PPP1R12A: variants seen among roughly 807,000 people sequenced by gnomAD.
PPP1R12A encodes the protein protein phosphatase 1 regulatory subunit 12A.
PPP1R12A carries 19 observed loss-of-function variants against 139.6 expected under a neutral mutation model. The ratio of observed to expected loss-of-function variants is 0.14; its 90% CI spans 0.09 to 0.20. The LOEUF is 0.20. PPP1R12A is among the 10% of genes least tolerant of loss of function. The pLI is 1.00. For missense variants in PPP1R12A, 925 were observed against 1,211.5 expected, an observed-to-expected ratio of 0.76 and a Z score of 3.51; for synonymous variants, 427 against 420.6, an observed-to-expected ratio of 1.02 and a Z score of -0.19.
intron 11 of PPP1R12A, 70 bp from the exon 12 acceptor site, chr12:79,807,400 T>A (rs1023905543): frequency 2.2e-6 from 2 of 903,520 alleles, no homozygotes; most frequent in African/African-American, 3.4e-5. Flanking sequence ...GGTACACTAG[T>A]AAATATTAGT....
chr12:79,836,112 C>T (rs1163575456), intron 3 of PPP1R12A, among the ~76,000 whole-genome samples: 2 of 152,098 alleles, frequency 1.3e-5, no homozygotes, highest in Admixed American at 1.3e-4. Context: ...CCAAATAGAC[C>T]TTATGAAAAC....
chr12:79,791,035 A>G (rs1871782928), intron 19 of PPP1R12A, among the ~76,000 whole-genome samples: 1 of 152,166 alleles, frequency 6.6e-6, no homozygotes, highest in African/African-American at 2.4e-5. Context: ...CCTCTGCAAA[A>G]CCAATTTTAA....
At chr12:79,783,222 C>G (rs1453484697) in intron 22 of PPP1R12A, among the ~76,000 whole-genome samples, 2 of 148,206 alleles carry the variant, frequency 1.3e-5, no homozygotes, top group Non-Finnish European at 3.0e-5. Flanking sequence ...CTTTGTGAGG[C>G]TGAGATGGGC....
intron 2 of PPP1R12A, among the ~76,000 whole-genome samples, chr12:79,868,534 C>T (rs1244262244): frequency 6.7e-6 from 1 of 150,016 alleles, no homozygotes; most frequent in East Asian, 1.9e-4. Flanking sequence ...GTGTTAGCAG[C>T]TTTGGTTTCT....
intron 22 of PPP1R12A, among the ~76,000 whole-genome samples, chr12:79,784,733 G>GT (rs1870896781): frequency 6.6e-6 from 1 of 152,072 alleles, no homozygotes. Context: ...CACCTCCCGG[G>GT]TTCAAGCAAT....
chr12:79,898,572 C>T (rs1885343242), intron 1 of PPP1R12A, among the ~76,000 whole-genome samples: 1 of 152,058 alleles, frequency 6.6e-6, no homozygotes, highest in Admixed American at 6.6e-5. Flanking sequence ...GTTTCACACT[C>T]CTCATCTTCC....
chr12:79,868,565 T>C (rs556134318), intron 2 of PPP1R12A, among the ~76,000 whole-genome samples: 10 of 149,572 alleles, frequency 6.7e-5, no homozygotes, highest in African/African-American at 2.6e-4. Context: ...CTCTCCTTGG[T>C]TGGTAGATGG....
intron 1 of PPP1R12A, among the ~76,000 whole-genome samples, chr12:79,931,111 A>C (rs554135982): frequency 1.8e-4 from 28 of 152,336 alleles, no homozygotes; most frequent in African/African-American, 6.7e-4. Flanking sequence ...TTAGTTAAAA[A>C]GGATGCTGGT....
intron 1 of PPP1R12A, among the ~76,000 whole-genome samples, chr12:79,932,821 T>C (rs1035093119): frequency 1.3e-5 from 2 of 152,188 alleles, no homozygotes; most frequent in Admixed American, 6.5e-5. Flanking sequence ...TATCAAAACT[T>C]TTCGTCTTCC....
chr12:79,857,310 T>A (rs1049751327), intron 2 of PPP1R12A, among the ~76,000 whole-genome samples: 4 of 151,986 alleles, frequency 2.6e-5, no homozygotes, highest in Non-Finnish European at 5.9e-5. Context: ...GAAATCATCA[T>A]TCTCAGTAAA....
intron 1 of PPP1R12A, among the ~76,000 whole-genome samples, chr12:79,893,644 A>G (rs971424943): frequency 7.2e-5 from 11 of 152,224 alleles, no homozygotes; most frequent in Non-Finnish European, 1.3e-4. Context: ...TCTGTATCAT[A>G]GCTGACTTAC....
chr12:79,867,261 T>C (rs533792652), intron 2 of PPP1R12A, among the ~76,000 whole-genome samples: 24 of 152,136 alleles, frequency 1.6e-4, no homozygotes, highest in East Asian at 5.8e-4. Flanking sequence ...TAAGTGGGAA[T>C]TGAACAATAA....
intron 1 of PPP1R12A, among the ~76,000 whole-genome samples, chr12:79,917,474 ACT>A (rs1473063655): frequency 2.4e-5 from 3 of 123,056 alleles, no homozygotes; most frequent in African/African-American, 3.0e-5. Flanking sequence ...ACGGAGCGAG[ACT>A]CTGTCTCAAA....
intron 5 of PPP1R12A, among the ~76,000 whole-genome samples, chr12:79,822,708 T>C (rs926068955): frequency 1.3e-5 from 2 of 152,152 alleles, no homozygotes; most frequent in Non-Finnish European, 2.9e-5. Flanking sequence ...GTTTTCAAGG[T>C]TCATTCATGT....
At chr12:79,852,347 C>T (rs778383948) in intron 2 of PPP1R12A, among the ~76,000 whole-genome samples, 33 of 151,998 alleles carry the variant, frequency 2.2e-4, no homozygotes, top group Admixed American at 7.2e-4. Flanking sequence ...TGTGCCATCA[C>T]GCCTGGCTAA....
At chr12:79,844,178 G>A (rs1482214092) in intron 3 of PPP1R12A, among the ~76,000 whole-genome samples, 1 of 152,078 alleles carries the variant, frequency 6.6e-6, no homozygotes, top group South Asian at 2.1e-4. Flanking sequence ...TCACTCTTGA[G>A]TAATGAAACT....
chr12:79,834,455 A>T (rs770824809), intron 3 of PPP1R12A, among the ~76,000 whole-genome samples: 6 of 152,206 alleles, frequency 3.9e-5, no homozygotes, highest in African/African-American at 9.6e-5. Flanking sequence ...GCAATAATCT[A>T]GGCAAGCAAT....
intron 1 of PPP1R12A, among the ~76,000 whole-genome samples, chr12:79,934,154 G>A (rs1888479644): frequency 6.6e-6 from 1 of 152,052 alleles, no homozygotes; most frequent in South Asian, 2.1e-4. Context: ...ACAGGAAATC[G>A]TTCGTTCAGG....
intron 3 of PPP1R12A, among the ~76,000 whole-genome samples, chr12:79,844,004 G>A (rs1331068844): frequency 6.6e-6 from 1 of 151,902 alleles, no homozygotes; most frequent in Non-Finnish European, 1.5e-5. Context: ...CTGCCAAGCT[G>A]GATCATATTT....
Sources: gnomAD v4.1 joint callset for allele counts (sites outside exome capture counted in the v4.1 genomes callset) on GRCh38, gnomAD v4.1.1 for gene constraint, MANE v1.5 for transcripts, NCBI Gene and HGNC (gene_info 2026-07-23, HGNC 2026-07-21) for gene names.